Variants in MCF2L2 observed in about 807,000 individuals in gnomAD.
MCF2L2 encodes probable guanine nucleotide exchange factor MCF2L2.
MCF2L2 carries 102 observed loss-of-function variants against 150.2 expected under a neutral mutation model. The ratio of observed to expected loss-of-function variants is 0.68; its 90% CI spans 0.58 to 0.80. The LOEUF is 0.80. Among genes scored for constraint, MCF2L2 ranks in the 30% least tolerant of loss-of-function variants. The pLI, the probability that MCF2L2 is intolerant of heterozygous loss-of-function variation, is 0.00. For synonymous variants in MCF2L2, 465 were observed against 491.3 expected (o/e 0.95, Z 0.71); for missense variants, 1,256 against 1,372.8 (o/e 0.91, Z 1.34).
chr3:183,195,296 A>G (rs764228430), intron 25 of MCF2L2, 41 bp from the exon 26 acceptor site: 1 of 1,440,914 alleles, frequency 6.9e-7, no homozygotes, highest in South Asian at 1.2e-5. Flanking sequence ...CTCAAATTTA[A>G]GCTAATTTGA....
chr3:183,348,234 G>C (rs1014425786), intron 3 of MCF2L2, among the ~76,000 whole-genome samples: 1 of 152,072 alleles, frequency 6.6e-6, no homozygotes, highest in Admixed American at 6.6e-5. Flanking sequence ...AAAAAAGAAC[G>C]AGTTCATGTT....
chr3:183,192,798 A>G (rs1026154437), intron 27 of MCF2L2: 2 of 481,206 alleles, frequency 4.2e-6, no homozygotes, highest in African/African-American at 1.9e-5. Context: ...TTTGCCCTTC[A>G]TGTTAATTCT....
Position 183,230,960 on chromosome 3 carries a change from G to A in MCF2L2, c.1920C>T (p.Ser640=), listed in dbSNP as rs1723529313. 1 of 1,612,720 alleles carries A rather than the reference G, an allele frequency of 6.2e-7. No individual in the cohort carries two copies. Among genetic ancestry groups the A allele is most frequent in the Admixed American group, 1.7e-5 (1 of 60,000 alleles). ...TEEIYIKEIK[S]IIDGYITPMD... Reference sequence around the variant, plus strand: ...CCCCAAATCTACTTACATCAATTATGCTTTTAATCTCTTTTATGTAAATCT... The same window carrying A: ...CCCCAAATCTACTTACATCAATTATACTTTTAATCTCTTTTATGTAAATCT... The change falls in exon 16 of 30, where the codon AGC becomes AGT. Residue 640 remains serine, a synonymous_variant. Coordinates refer to ENST00000328913, the MANE Select transcript of MCF2L2 (RefSeq NM_015078.4).
intron 5 of MCF2L2, among the ~76,000 whole-genome samples, chr3:183,335,010 C>G (rs1730416901): frequency 6.6e-6 from 1 of 150,790 alleles, no homozygotes; most frequent in Non-Finnish European, 1.5e-5. Flanking sequence ...AGCAGCTACT[C>G]AGGAATCTGA....
chr3:183,424,272 T>C (rs1403477128), intron 1 of MCF2L2, among the ~76,000 whole-genome samples: 1 of 152,098 alleles, frequency 6.6e-6, no homozygotes, highest in Non-Finnish European at 1.5e-5. Context: ...CTGCATATTT[T>C]ATAAGAGTTC....
intron 17 of MCF2L2, 58 bp downstream of exon 17, chr3:183,229,608 C>A: frequency 1.3e-6 from 1 of 789,818 alleles, no homozygotes; most frequent in South Asian, 1.8e-5. Flanking sequence ...TTCCATCAGT[C>A]TCATTTCCAC....
At chr3:183,386,430 T>TCGGGC (rs1713837193) in intron 2 of MCF2L2, among the ~76,000 whole-genome samples, 2 of 152,228 alleles carry the variant, frequency 1.3e-5, no homozygotes, top group African/African-American at 4.8e-5. Context: ...CCGCAAACCA[T>TCGGGC]CGGGCCACAA....
intron 15 of MCF2L2, among the ~76,000 whole-genome samples, chr3:183,251,373 C>T (rs1246210956): frequency 1.3e-5 from 2 of 152,162 alleles, no homozygotes; most frequent in East Asian, 1.9e-4. Context: ...CTCCCAGGTT[C>T]TCTTGTACTC....
intron 1 of MCF2L2, among the ~76,000 whole-genome samples, chr3:183,404,628 C>T (rs766940490): frequency 6.6e-6 from 1 of 152,118 alleles, no homozygotes; most frequent in Non-Finnish European, 1.5e-5. Flanking sequence ...TTTGGGAGGC[C>T]GAGATGGGTG....
Position 183,289,223 on chromosome 3 carries a change from A to G in MCF2L2, c.1676-3T>C. The stretch of plus-strand genomic sequence containing the variant: ...TCTCAGAGGACGAGCTAGAGGGACT[A>G]AGAGAACCTGCCATTAGTGTGGTTA... On this transcript the variant is annotated splice_polypyrimidine_tract_variant and splice_region_variant and intron_variant, in intron 13 of 29. Coordinates refer to ENST00000328913, the MANE Select transcript of MCF2L2 (RefSeq NM_015078.4). 1.3e-6 allele frequency: 2 copies of G among 1,592,592 alleles called. No homozygotes were observed. The highest frequency in any genetic ancestry group is 1.7e-6 in the Non-Finnish European group (2 of 1,161,006).
chr3:183,268,275 G>A (rs1295703022), intron 15 of MCF2L2, among the ~76,000 whole-genome samples: 1 of 152,206 alleles, frequency 6.6e-6, no homozygotes, highest in Non-Finnish European at 1.5e-5. Flanking sequence ...GGCCAGGCTG[G>A]ACTTCATCTT....
At chr3:183,308,304 G>A (rs1729200652) in intron 10 of MCF2L2, among the ~76,000 whole-genome samples, 1 of 151,580 alleles carries the variant, frequency 6.6e-6, no homozygotes, top group African/African-American at 2.4e-5. Flanking sequence ...TTTTGATGAG[G>A]CACTTTTTCT....
At chr3:183,226,763 C>T (rs571320897) in intron 18 of MCF2L2, 30 of 152,290 alleles carry the variant, frequency 2.0e-4, no homozygotes, top group African/African-American at 7.2e-4. Flanking sequence ...TACTTCTAAT[C>T]TCTGAAACTA....
At chr3:183,275,136 T>A (rs988046150) in intron 15 of MCF2L2, among the ~76,000 whole-genome samples, 1 of 152,282 alleles carries the variant, frequency 6.6e-6, no homozygotes, top group South Asian at 2.1e-4. Flanking sequence ...CCTTCCCTTC[T>A]CCCCAAATTT....
rs148529037 is a variant in MCF2L2, at chr3:183,294,951, A to G, written c.1675+349T>C. On this transcript the variant is annotated intron_variant, in intron 13 of 29. Coordinates refer to ENST00000328913, the MANE Select transcript of MCF2L2 (RefSeq NM_015078.4). ...CCTAATTTTTCTATTTTTAGTAGAG[A>G]TGGGTTTCAACATGTTGGCCAGGCT... Among the ~76,000 whole-genome samples, 41 of 150,874 alleles carry G rather than the reference A, an allele frequency of 2.7e-4. No homozygotes were observed. The East Asian group carries it at 7.4e-3, about 27-fold the overall frequency.
At position 183,270,352 on chromosome 3, in the gene MCF2L2, A is replaced by G. The variant is rs1479766333; in HGVS notation, c.1862+6520T>C. 2.5e-6 allele frequency: 4 copies of G among 1,614,058 alleles called. No individual in the cohort carries two copies. The Admixed American group carries it at 6.7e-5, about 27-fold the overall frequency. On this transcript the variant is annotated intron_variant, in intron 15 of 29. Transcript: ENST00000328913. The surrounding 1 kb of genome is among the most constrained non-coding windows in gnomAD (Gnocchi z 4.5). ...AGTTGGGCAAATACCTATTGTCCAC[A>G]TGCCAAATTTCTTATGACTGCTGAT...
In MCF2L2 at chr3:183,267,640, C is replaced by A. The variant is rs77671773; in HGVS notation, c.1862+9232G>T. Among the ~76,000 whole-genome samples, 97 of 152,354 alleles carry A rather than the reference C, an allele frequency of 6.4e-4. 1 individual carries two copies. In the East Asian group the frequency reaches 9.6e-3, roughly 15 times the overall value. Reference sequence around the variant, plus strand: ...CTCCCCGTCAGTCCTGTCCAAAGCCCAGGAAACTAATGTACCACCCCCGAG... The same window carrying A: ...CTCCCCGTCAGTCCTGTCCAAAGCCAAGGAAACTAATGTACCACCCCCGAG... On this transcript the variant is annotated intron_variant, in intron 15 of 29. Transcript: ENST00000328913. The surrounding 1 kb of genome is among the most constrained non-coding windows in gnomAD (Gnocchi z 5.5).
chr3:183,228,822 C>A (rs1042432132), intron 17 of MCF2L2, among the ~76,000 whole-genome samples: 3 of 152,134 alleles, frequency 2.0e-5, no homozygotes, highest in Non-Finnish European at 4.4e-5. Flanking sequence ...GCTGCTGTTG[C>A]TATTACTAAT....
chr3:183,403,293 G>A (rs1373026318), intron 1 of MCF2L2, among the ~76,000 whole-genome samples: 1 of 130,792 alleles, frequency 7.6e-6, no homozygotes, highest in African/African-American at 2.9e-5. Flanking sequence ...TAAAATAAAA[G>A]CAACAGAAGA....
Sources: allele counts gnomAD v4.1 joint callset (sites outside exome capture counted in the v4.1 genomes callset), GRCh38; gene constraint gnomAD v4.1.1; non-coding constraint Gnocchi (gnomAD v3.1); transcripts MANE v1.5; gene names NCBI Gene and HGNC (gene_info 2026-07-23, HGNC 2026-07-21).